The following KTN1 variants were observed in gnomAD, a reference collection of about 807,000 sequenced individuals.
The protein encoded by KTN1 is kinectin.
Under a neutral mutation model 222.5 loss-of-function variants are expected in KTN1, and 130 were observed. The observed-to-expected ratio is 0.58, with a 90% CI of 0.51 to 0.68. The LOEUF (loss-of-function observed/expected upper bound fraction) is 0.68. Ranked by LOEUF, KTN1 falls within the 30% of genes least tolerant of loss-of-function variation. The probability of loss-of-function intolerance (pLI) is 0.00; values close to 1 mark genes in which losing one functional copy is unlikely to be tolerated. For missense variants in KTN1, 1,508 were observed against 1,500.4 expected (o/e 1.01, Z -0.08); for synonymous variants, 512 against 496.3 (o/e 1.03, Z -0.42).
chr14:55,589,423 C>T (rs1402705534), intron 1 of KTN1, among the ~76,000 whole-genome samples: 2 of 151,806 alleles, frequency 1.3e-5, no homozygotes, highest in Non-Finnish European at 2.9e-5. Context: ...TCAAGCGATT[C>T]TACTGCCTCC....
At chr14:55,591,018 G>T (rs891261059) in intron 1 of KTN1, among the ~76,000 whole-genome samples, 4 of 152,104 alleles carry the variant, frequency 2.6e-5, no homozygotes, top group Non-Finnish European at 5.9e-5. Context: ...AACTCATTTG[G>T]CTACTTCATG....
At chr14:55,640,186 C>T (rs980073951) in intron 14 of KTN1, among the ~76,000 whole-genome samples, 183 bp downstream of exon 14, 1 of 151,804 alleles carries the variant, frequency 6.6e-6, no homozygotes, top group East Asian at 1.9e-4. Flanking sequence ...AAGGGCTTCT[C>T]TCATGTGATA....
chr14:55,619,758 C>T (rs1296940756), intron 5 of KTN1, among the ~76,000 whole-genome samples: 1 of 152,104 alleles, frequency 6.6e-6, no homozygotes, highest in Non-Finnish European at 1.5e-5. Context: ...TCCCACAACA[C>T]ATGGGAATTA....
Position 55,659,677 on chromosome 14 carries a change from T to TC in KTN1, c.2978dup (p.His994SerfsTer2). Reference sequence around the variant, plus strand: ...AACTCTTTTGATAGGCATCTTCTTTTCCCCCTCATGAAGAATTATTAAAAG... The same window carrying TC: ...AACTCTTTTGATAGGCATCTTCTTTTCCCCCCTCATGAAGAATTATTAAAAG... On this transcript the variant is annotated frameshift_variant, in exon 31 of 44. Coordinates refer to ENST00000395314, the MANE Select transcript of KTN1 (RefSeq NM_001079521.2). LOFTEE classifies it high-confidence loss of function. 6.7e-7 allele frequency: 1 copy of TC among 1,501,604 alleles called. No individual in the cohort carries two copies. The highest frequency in any genetic ancestry group is 9.3e-7 in the Non-Finnish European group (1 of 1,079,074). 93.0% of individuals were successfully genotyped at this position (1,501,604 alleles called of 1,614,324 possible).
intron 2 of KTN1, among the ~76,000 whole-genome samples, chr14:55,613,771 G>T (rs527679381): frequency 3.6e-4 from 55 of 152,166 alleles, no homozygotes; most frequent in African/African-American, 1.3e-3. Context: ...GCTTGACCCG[G>T]TTGTATTGGA....
chr14:55,608,692 C>G (rs2037108773), intron 1 of KTN1, among the ~76,000 whole-genome samples: 1 of 150,446 alleles, frequency 6.6e-6, no homozygotes, highest in Non-Finnish European at 1.5e-5. Context: ...GGCGCGATCT[C>G]AGCTTACTGT....
intron 1 of KTN1, among the ~76,000 whole-genome samples, chr14:55,604,955 G>T (rs189182459): frequency 6.6e-6 from 1 of 152,146 alleles, no homozygotes; most frequent in Admixed American, 6.5e-5. Context: ...TTTCCCACTT[G>T]GTTGACTGCT....
rs151322615 is a variant in KTN1, at chr14:55,592,208, A to G, written c.-31+11854A>G. Among the ~76,000 whole-genome samples, 667 of 152,240 alleles carry G rather than the reference A, an allele frequency of 4.4e-3. 3 individuals are homozygous for G. The highest frequency in any genetic ancestry group is 0.017 in the Middle Eastern group (5 of 294). ...CTCACGGTTATGAAGATGTTCTTGC[A>G]TGTTGTCTTAAAAAGTTTTATGTTG... On this transcript the variant is annotated intron_variant, in intron 1 of 43. Transcript: ENST00000395314.
chr14:55,678,292 C>A, intron 41 of KTN1, 60 bp from the exon 42 acceptor site: 2 of 967,588 alleles, frequency 2.1e-6, no homozygotes, highest in South Asian at 1.5e-5. Flanking sequence ...TAAAATTATT[C>A]ATTTTTTATG....
chr14:55,679,743 T>A, intron 43 of KTN1, 58 bp downstream of exon 43: 1 of 1,534,266 alleles, frequency 6.5e-7, no homozygotes, highest in South Asian at 1.1e-5. Context: ...GTCTGTGTAA[T>A]GTGTATTTAC....
intron 43 of KTN1, 122 bp downstream of exon 43, chr14:55,679,807 TC>T: frequency 9.6e-7 from 1 of 1,040,612 alleles, no homozygotes; most frequent in Non-Finnish European, 1.4e-6. Context: ...TCTCAGAACT[TC>T]CAGATGACAG....
intron 27 of KTN1, 42 bp from the exon 28 acceptor site, chr14:55,653,517 A>G (rs768156857): frequency 1.8e-5 from 28 of 1,517,602 alleles, no homozygotes; most frequent in Admixed American, 1.4e-4. Context: ...ACAACATAAC[A>G]TTTAATGCTA....
intron 18 of KTN1, among the ~76,000 whole-genome samples, chr14:55,643,293 C>T (rs2041980282): frequency 6.6e-6 from 1 of 152,256 alleles, no homozygotes; most frequent in African/African-American, 2.4e-5. Context: ...TCTCCCCCCA[C>T]CCTCCCTTAC....
chr14:55,678,567 G>T, intron 42 of KTN1, 123 bp downstream of exon 42: 2 of 655,816 alleles, frequency 3.0e-6, no homozygotes, highest in Non-Finnish European at 2.7e-6. Context: ...TCCCTAAAAT[G>T]TAGTGTTTTC....
intron 9 of KTN1, among the ~76,000 whole-genome samples, chr14:55,635,569 A>G (rs1215965427): frequency 6.6e-6 from 1 of 152,206 alleles, no homozygotes; most frequent in African/African-American, 2.4e-5. Flanking sequence ...TGAGATGCTT[A>G]TACTATGAAG....
At chr14:55,653,780 C>G (rs1037862750) in intron 28 of KTN1, among the ~76,000 whole-genome samples, 184 bp downstream of exon 28, 5 of 152,158 alleles carry the variant, frequency 3.3e-5, no homozygotes, top group Admixed American at 2.0e-4. Context: ...TAAATGCTTT[C>G]AGATACCTGG....
At chr14:55,609,143 C>T (rs2037178997) in intron 1 of KTN1, among the ~76,000 whole-genome samples, 1 of 151,914 alleles carries the variant, frequency 6.6e-6, no homozygotes, top group Admixed American at 6.5e-5. Flanking sequence ...CTGTACGTTC[C>T]CTCCTCTCAG....
chr14:55,596,010 C>T (rs1164656692), intron 1 of KTN1, among the ~76,000 whole-genome samples: 1 of 151,940 alleles, frequency 6.6e-6, no homozygotes, highest in Non-Finnish European at 1.5e-5. Context: ...AAAAAATTAG[C>T]TGGGTGTGGT....
At chr14:55,641,089 T>G in intron 16 of KTN1, 38 bp from the exon 17 acceptor site, 4 of 1,494,164 alleles carry the variant, frequency 2.7e-6, no homozygotes, top group Non-Finnish European at 3.7e-6. Context: ...ATTTTCTGAA[T>G]GTATGAAGTA....
Sources: allele counts gnomAD v4.1 joint callset (sites outside exome capture counted in the v4.1 genomes callset), GRCh38; gene constraint gnomAD v4.1.1; transcripts MANE v1.5; gene names NCBI Gene and HGNC (gene_info 2026-07-23, HGNC 2026-07-21).